Variants in BRF1 observed in about 807,000 individuals in gnomAD.
BRF1 encodes BRF1 general transcription factor IIIB subunit.
In BRF1, 59 loss-of-function variants were observed where a neutral mutation model predicts 81.7. The observed-to-expected ratio is 0.72, with a 90% CI of 0.59 to 0.90. The LOEUF (loss-of-function observed/expected upper bound fraction) is 0.90, where lower values mean the gene tolerates loss of function less well. Among genes scored for constraint, BRF1 ranks in the 40% least tolerant of loss-of-function variants. The pLI, the probability that BRF1 is intolerant of heterozygous loss-of-function variation, is 0.00. For synonymous variants in BRF1, 491 were observed against 395.6 expected, an observed-to-expected ratio of 1.24 and a Z score of -2.86; for missense variants, 1,050 against 936.3, an observed-to-expected ratio of 1.12 and a Z score of -1.58.
intron 6 of BRF1, among the ~76,000 whole-genome samples, chr14:105,229,166 C>A (rs1421840283): frequency 2.6e-5 from 4 of 152,230 alleles, no homozygotes; most frequent in Non-Finnish European, 5.9e-5. Context: ...CTTCCGAGAG[C>A]TTCACGTAAT....
At chr14:105,307,561 C>T (rs1158873744) in intron 1 of BRF1, among the ~76,000 whole-genome samples, 1 of 152,158 alleles carries the variant, frequency 6.6e-6, no homozygotes, top group African/African-American at 2.4e-5. Flanking sequence ...TGTCTGTCAT[C>T]TTATCACATT....
At chr14:105,281,634 G>A (rs1288688909) in intron 2 of BRF1, among the ~76,000 whole-genome samples, 2 of 152,174 alleles carry the variant, frequency 1.3e-5, no homozygotes, top group Non-Finnish European at 2.9e-5. Flanking sequence ...AGTGGAGGGG[G>A]GCACTGACGG....
chr14:105,247,635 C>A (rs1477178044), intron 5 of BRF1: 1 of 985,270 alleles, frequency 1.0e-6, no homozygotes, highest in African/African-American at 1.7e-5. Flanking sequence ...ACTGCGGTGA[C>A]AGGTGCACCC....
At chr14:105,213,170 C>G (rs1890430507) in intron 15 of BRF1, 1 of 152,358 alleles carries the variant, frequency 6.6e-6, no homozygotes, top group African/African-American at 2.4e-5. Flanking sequence ...GTGGGGGCCT[C>G]TGGGGATGGC....
At chr14:105,310,445 G>C (rs1382669400) in intron 1 of BRF1, among the ~76,000 whole-genome samples, 1 of 146,504 alleles carries the variant, frequency 6.8e-6, no homozygotes, top group Non-Finnish European at 1.5e-5. Flanking sequence ...CAGGAGAATG[G>C]CATGAACCCG....
intron 7 of BRF1, chr14:105,227,031 G>A (rs757525357): frequency 2.2e-5 from 9 of 401,126 alleles, no homozygotes; most frequent in Middle Eastern, 7.2e-4. Flanking sequence ...AGGGAGAATC[G>A]CTTGAGCCCA....
chr14:105,291,974 G>A (rs974481633), intron 1 of BRF1, among the ~76,000 whole-genome samples: 1 of 151,928 alleles, frequency 6.6e-6, no homozygotes, highest in African/African-American at 2.4e-5. Context: ...CTCCAGCCTG[G>A]GCAACAAGAG....
At chr14:105,215,630 C>T (rs1891031061) in intron 15 of BRF1, among the ~76,000 whole-genome samples, 1 of 149,802 alleles carries the variant, frequency 6.7e-6, no homozygotes, top group Non-Finnish European at 1.5e-5. Flanking sequence ...CACACACACA[C>T]TGCATACACA....
intron 4 of BRF1, chr14:105,256,299 C>G (rs1190819909): frequency 6.5e-7 from 1 of 1,546,968 alleles, no homozygotes; most frequent in Non-Finnish European, 8.7e-7. Flanking sequence ...CAGGTGCCCT[C>G]CTGCCATGGA....
At position 105,210,699 on chromosome 14, in the gene BRF1, C is replaced by T. The variant is rs1013762467; in HGVS notation, c.1997-111G>A. 1 of 1,255,230 alleles carries T rather than the reference C, an allele frequency of 8.0e-7. No homozygotes were observed. The highest frequency in any genetic ancestry group is 2.1e-5 in the Admixed American group (1 of 47,152). The allele number at this position is 1,255,230 out of a possible 1,614,324, so 77.8% of individuals were successfully genotyped here. ...CCCTAGAAGACTCAGGCTCCAGCCCCAGCCCCAGCCCCCCGCGCCCCGCCA... is the reference window on the plus strand; with the variant it reads ...CCCTAGAAGACTCAGGCTCCAGCCCTAGCCCCAGCCCCCCGCGCCCCGCCA... On this transcript the variant is annotated intron_variant, in intron 17 of 17. Coordinates refer to ENST00000547530, the MANE Select transcript of BRF1 (RefSeq NM_001519.4). The surrounding 1 kb of genome is among the most constrained non-coding windows in gnomAD (Gnocchi z 4.7).
At chr14:105,244,798 G>A (rs2054968626) in intron 5 of BRF1, among the ~76,000 whole-genome samples, 1 of 152,106 alleles carries the variant, frequency 6.6e-6, no homozygotes, top group Non-Finnish European at 1.5e-5. Flanking sequence ...AATCTGACAA[G>A]GATGTTCTAA....
chr14:105,225,843 T>C (rs905027763), intron 10 of BRF1, among the ~76,000 whole-genome samples: 7 of 152,122 alleles, frequency 4.6e-5, no homozygotes, highest in Non-Finnish European at 1.0e-4. Context: ...AGACAGGGTT[T>C]CACCATGTTG....
intron 5 of BRF1, among the ~76,000 whole-genome samples, chr14:105,243,423 C>A: frequency 6.6e-6 from 1 of 150,888 alleles, no homozygotes; most frequent in East Asian, 1.9e-4. Flanking sequence ...GCACTCCAGC[C>A]TGGGCGACAG....
chr14:105,310,679 T>G (rs781478854), intron 1 of BRF1, among the ~76,000 whole-genome samples: 5 of 152,152 alleles, frequency 3.3e-5, no homozygotes, highest in Non-Finnish European at 5.9e-5. Context: ...CCCAGCCAGA[T>G]GGCGCCCGGC....
At position 105,256,526 on chromosome 14, in the gene BRF1, G is replaced by A. The variant is rs1452858085; in HGVS notation, c.463C>T (p.Leu155=). The change falls in exon 4 of 18, where the codon CTG becomes TTG. Residue 155 remains leucine, a synonymous_variant. Transcript: ENST00000547530. ...TPHMLLDLSD[L]LQVNVYVLGK... ...GGACGGAGGCTGTCTACCTGGAGCAGGTCGCTGAGGTCCAGGAGCATGTCT... is the reference window on the plus strand; with the variant it reads ...GGACGGAGGCTGTCTACCTGGAGCAAGTCGCTGAGGTCCAGGAGCATGTCT... 3.7e-6 allele frequency: 6 copies of A among 1,614,006 alleles called. No homozygotes were observed. Among genetic ancestry groups the A allele is most frequent in the Non-Finnish European group, 5.1e-6 (6 of 1,180,044 alleles).
intron 6 of BRF1, among the ~76,000 whole-genome samples, chr14:105,229,233 T>C (rs745320407): frequency 6.6e-6 from 1 of 152,194 alleles, no homozygotes; most frequent in Non-Finnish European, 1.5e-5. Context: ...CAGCTTGTGA[T>C]GGGAGCTGGG....
rs1458840205 is a variant in BRF1 at position 105,284,904 on chromosome 14, C to G, written c.265+1392G>C. Among the ~76,000 whole-genome samples, 5 of 152,334 alleles carry G rather than the reference C, an allele frequency of 3.3e-5. No individual in the cohort carries two copies. In the East Asian group the frequency reaches 9.6e-4, roughly 29 times the overall value. ...AACTATTCAGCATAAAAAATGAGTT[C>G]AGCCAGGCTGCAAGATACAAGATCA... On this transcript the variant is annotated intron_variant, in intron 2 of 17. Coordinates refer to ENST00000547530, the MANE Select transcript of BRF1 (RefSeq NM_001519.4). The surrounding 1 kb of genome is among the most constrained non-coding windows in gnomAD (Gnocchi z 4.0).
chr14:105,295,543 G>A (rs1038085643), intron 1 of BRF1, among the ~76,000 whole-genome samples: 7 of 152,042 alleles, frequency 4.6e-5, no homozygotes, highest in African/African-American at 9.6e-5. Context: ...AGGGGGTTAC[G>A]ACTGCAGTAA....
At position 105,221,761 on chromosome 14, in the gene BRF1, C is replaced by G. The variant is rs760239261; in HGVS notation, c.1202G>C (p.Trp401Ser). 18 of 1,611,324 alleles carry G rather than the reference C, an allele frequency of 1.1e-5. No individual in the cohort carries two copies. In the South Asian group the frequency reaches 1.9e-4, roughly 17 times the overall value. ...GSSEAAGSPE[W>S]GGRPPALGSL... ...CCCCAGGGCCGGAGGTCTGCCGCCC[C>G]ACTCGGGGCTTCCTGCTGCTTCCGA... Residue 401 changes from tryptophan (W) to serine (S), a missense_variant, in exon 11 of 18, where the codon TGG (tryptophan) becomes TCG (serine). Transcript: ENST00000547530.
Sources: allele counts gnomAD v4.1 joint callset (sites outside exome capture counted in the v4.1 genomes callset), GRCh38; gene constraint gnomAD v4.1.1; non-coding constraint Gnocchi (gnomAD v3.1); transcripts MANE v1.5; gene names NCBI Gene and HGNC (gene_info 2026-07-23, HGNC 2026-07-21).